Variants in ADGRL2 observed in about 807,000 individuals in gnomAD.
ADGRL2 encodes the protein adhesion G protein-coupled receptor L2.
A neutral mutation model predicts 157.4 loss-of-function variants in ADGRL2; 44 were observed. The observed-to-expected ratio is 0.28, with a 90% CI of 0.22 to 0.36. The LOEUF is 0.36. Among genes scored for constraint, ADGRL2 ranks in the 10% least tolerant of loss-of-function variants. ADGRL2 has a pLI of 1.00. For synonymous variants in ADGRL2, 585 were observed against 624.7 expected (o/e 0.94, Z 0.95); for missense variants, 1,510 against 1,768.9 (o/e 0.85, Z 2.63).
At chr1:81,803,199 AC>A (rs34404099) in intron 1 of ADGRL2, among the ~76,000 whole-genome samples, 2 of 150,962 alleles carry the variant, frequency 1.3e-5, no homozygotes, top group African/African-American at 2.4e-5. Context: ...GGAAGGGGAG[AC>A]CCCCGCGCTG....
chr1:81,417,003 C>T lies in ADGRL2; in HGVS notation c.-301-28033C>T, dbSNP rs189937280. 5.3e-3 allele frequency among the ~76,000 whole-genome samples: 802 copies of T among 152,214 alleles called. 5 individuals are homozygous for T. Among genetic ancestry groups the T allele is most frequent in the Non-Finnish European group, 7.2e-3 (493 of 68,006 alleles). On this transcript the variant is annotated intron_variant, in intron 1 of 24. Transcript: ENST00000370721. ...ATTCTCAGGCACGTAGTTCTCAGAA[C>T]GTGCTTAAGAATTACTGCCTTAAAA...
At chr1:81,554,709 G>T (rs1361231524) in intron 2 of ADGRL2, among the ~76,000 whole-genome samples, 2 of 152,002 alleles carry the variant, frequency 1.3e-5, no homozygotes, top group Non-Finnish European at 2.9e-5. Context: ...AGACAACCAG[G>T]TTAACAGCCT....
intron 11 of ADGRL2, among the ~76,000 whole-genome samples, chr1:81,957,790 A>G (rs1654035650): frequency 6.6e-6 from 1 of 152,132 alleles, no homozygotes; most frequent in South Asian, 2.1e-4. Flanking sequence ...ATTAAAAAAC[A>G]CTATGGAGAG....
At chr1:81,942,695 A>G in intron 5 of ADGRL2, 1 of 454,512 alleles carries the variant, frequency 2.2e-6, no homozygotes, top group Non-Finnish European at 4.1e-6. Flanking sequence ...ATGAAAACAT[A>G]GCAAAAATTT....
intron 1 of ADGRL2, among the ~76,000 whole-genome samples, chr1:81,761,235 A>G (rs2085871179): frequency 1.3e-5 from 2 of 151,854 alleles, no homozygotes; most frequent in Admixed American, 1.3e-4. Context: ...AAATTACTTC[A>G]CTAGAAAAAA....
intron 1 of ADGRL2, among the ~76,000 whole-genome samples, chr1:81,701,155 T>G (rs112535246): frequency 3.3e-5 from 5 of 152,210 alleles, no homozygotes; most frequent in African/African-American, 4.8e-5. Flanking sequence ...CAAAAATATG[T>G]ATGTCATTTT....
intron 2 of ADGRL2, among the ~76,000 whole-genome samples, chr1:81,892,026 A>G (rs1325216588): frequency 6.6e-6 from 1 of 151,588 alleles, no homozygotes. Flanking sequence ...ATTTTAATTT[A>G]TGATGAATTT....
At chr1:81,893,019 T>TAAA in intron 2 of ADGRL2, among the ~76,000 whole-genome samples, 1 of 152,154 alleles carries the variant, frequency 6.6e-6, no homozygotes, top group African/African-American at 2.4e-5. Context: ...TTCTTCAAGT[T>TAAA]TTGCCAAGTC....
At chr1:81,417,091 C>G (rs564263307) in intron 1 of ADGRL2, among the ~76,000 whole-genome samples, 8 of 152,226 alleles carry the variant, frequency 5.3e-5, no homozygotes, top group African/African-American at 1.9e-4. Context: ...TCTTCCTTTA[C>G]TTTATTATTT....
At chr1:81,869,243 T>C (rs578214898) in intron 2 of ADGRL2, among the ~76,000 whole-genome samples, 23 of 152,246 alleles carry the variant, frequency 1.5e-4, no homozygotes, top group African/African-American at 5.3e-4. Flanking sequence ...TTTTTTTCTT[T>C]CCTTTTCACC....
chr1:81,714,735 T>C (rs574303236), intron 1 of ADGRL2, among the ~76,000 whole-genome samples: 1 of 152,314 alleles, frequency 6.6e-6, no homozygotes, highest in Admixed American at 6.5e-5. Context: ...GTGTGCTACA[T>C]ACTTGAATAG....
chr1:81,324,971 C>A (rs1660795126), intron 1 of ADGRL2, among the ~76,000 whole-genome samples: 1 of 152,084 alleles, frequency 6.6e-6, no homozygotes, highest in Non-Finnish European at 1.5e-5. Flanking sequence ...CCCACCCCGA[C>A]CTCCCAAAGT....
At chr1:81,481,717 T>C (rs1011457842) in intron 2 of ADGRL2, among the ~76,000 whole-genome samples, 1 of 115,774 alleles carries the variant, frequency 8.6e-6, no homozygotes. Flanking sequence ...CCCCATTTAC[T>C]GTATAGGCTG....
At chr1:81,365,760 T>C (rs557810603) in intron 1 of ADGRL2, among the ~76,000 whole-genome samples, 2 of 152,310 alleles carry the variant, frequency 1.3e-5, no homozygotes, top group South Asian at 4.1e-4. Flanking sequence ...AGTTGAAATC[T>C]ATTGGGTGTT....
intron 3 of ADGRL2, among the ~76,000 whole-genome samples, chr1:81,603,970 T>TA (rs113149040): frequency 0.016 from 2,416 of 151,060 alleles, 56 homozygotes; most frequent in African/African-American, 0.056. Flanking sequence ...TTTTTCTTTT[T>TA]TTTTTTTTTT....
intron 1 of ADGRL2, among the ~76,000 whole-genome samples, chr1:81,344,076 A>T (rs906564569): frequency 2.0e-5 from 3 of 151,968 alleles, no homozygotes; most frequent in Non-Finnish European, 2.9e-5. Flanking sequence ...AGAAAAAAAA[A>T]TTTTTCTTTT....
chr1:81,389,102 T>G (rs1557650382), intron 1 of ADGRL2, among the ~76,000 whole-genome samples: 2 of 152,190 alleles, frequency 1.3e-5, no homozygotes, highest in African/African-American at 4.8e-5. Flanking sequence ...CCTGTAGACT[T>G]TACTATATTG....
At chr1:81,421,206 G>C (rs140965481) in intron 1 of ADGRL2, among the ~76,000 whole-genome samples, 1,877 of 152,284 alleles carry the variant, frequency 0.012, 38 homozygotes, top group Admixed American at 0.039. Context: ...AAAAACAACT[G>C]TTTAAATTAT....
upstream of ADGRL2, among the ~76,000 whole-genome samples, chr1:81,696,731 G>A (rs912680384): frequency 5.3e-5 from 8 of 152,016 alleles, no homozygotes; most frequent in Non-Finnish European, 7.4e-5. Flanking sequence ...CAGCCTGGGC[G>A]ACAGAGCGAG....
Sources: gnomAD v4.1 joint callset for allele counts (sites outside exome capture counted in the v4.1 genomes callset) on GRCh38, gnomAD v4.1.1 for gene constraint, MANE v1.5 for transcripts, NCBI Gene and HGNC (gene_info 2026-07-23, HGNC 2026-07-21) for gene names.